ATP10D: variants seen among roughly 807,000 people sequenced by gnomAD.
The protein encoded by ATP10D is phospholipid-transporting ATPase VD.
A neutral mutation model predicts 144.8 loss-of-function variants in ATP10D; 89 were observed. That is an observed-to-expected ratio of 0.61 (90% CI 0.52 to 0.73). ATP10D has a LOEUF of 0.73. ATP10D is among the 30% of genes least tolerant of loss of function. The pLI, the probability that ATP10D is intolerant of heterozygous loss-of-function variation, is 0.00. For synonymous variants in ATP10D, 571 were observed against 615.1 expected (o/e 0.93, Z 1.06); for missense variants, 1,603 against 1,714.8 (o/e 0.93, Z 1.15).
chr4:47,540,701 CATTATTATT>C (rs1210701221), intron 9 of ATP10D, among the ~76,000 whole-genome samples: 2 of 152,120 alleles, frequency 1.3e-5, no homozygotes, highest in African/African-American at 4.8e-5. Context: ...AATGCTGATA[CATTATTATT>C]AATTGAAACC....
chr4:47,584,932 A>C (rs1356446507), intron 21 of ATP10D, among the ~76,000 whole-genome samples: 1 of 152,178 alleles, frequency 6.6e-6, no homozygotes, highest in Non-Finnish European at 1.5e-5. Context: ...GAAAAGAAGA[A>C]AATCTAATCT....
chr4:47,571,850 C>T (rs181707039), intron 16 of ATP10D, among the ~76,000 whole-genome samples: 4 of 152,182 alleles, frequency 2.6e-5, no homozygotes, highest in Non-Finnish European at 2.9e-5. Context: ...TTATCATGTG[C>T]GTGGCTACAG....
At chr4:47,555,227 C>T (rs538866705) in intron 11 of ATP10D, among the ~76,000 whole-genome samples, 42 of 152,198 alleles carry the variant, frequency 2.8e-4, no homozygotes, top group Non-Finnish European at 5.1e-4. Context: ...GCATTAGATT[C>T]TCATAGGAAC....
chr4:47,545,077 G>T (rs1232185517), intron 9 of ATP10D, among the ~76,000 whole-genome samples: 1 of 152,186 alleles, frequency 6.6e-6, no homozygotes, highest in African/African-American at 2.4e-5. Context: ...GTCAGGCAAG[G>T]CCTCTCTAAG....
intron 10 of ATP10D, among the ~76,000 whole-genome samples, chr4:47,549,893 C>T (rs150246515): frequency 6.6e-6 from 1 of 151,318 alleles, no homozygotes; most frequent in Non-Finnish European, 1.5e-5. Flanking sequence ...AACCACAGGG[C>T]CAAGGGAGAA....
chr4:47,515,451 C>G (rs375086728), intron 2 of ATP10D, 25 bp from the exon 3 acceptor site: 2 of 1,583,794 alleles, frequency 1.3e-6, no homozygotes, highest in Middle Eastern at 1.7e-4. Context: ...TTCTTAACAC[C>G]TCCCTTTGTG....
At chr4:47,547,790 G>A (rs1331402869) in intron 10 of ATP10D, among the ~76,000 whole-genome samples, 1 of 152,142 alleles carries the variant, frequency 6.6e-6, no homozygotes, top group Non-Finnish European at 1.5e-5. Flanking sequence ...AACTTCCCAG[G>A]ATCCTGGCTC....
chr4:47,590,737 T>G (rs1336428042), intron 22 of ATP10D, among the ~76,000 whole-genome samples: 2 of 152,132 alleles, frequency 1.3e-5, no homozygotes, highest in Non-Finnish European at 2.9e-5. Context: ...ATTGTCTCAT[T>G]TAACCTAACA....
intron 19 of ATP10D, among the ~76,000 whole-genome samples, chr4:47,579,899 CT>C (rs1003099781): frequency 1.3e-5 from 2 of 151,978 alleles, no homozygotes; most frequent in Admixed American, 6.6e-5. Context: ...AGCAAGCTGC[CT>C]TTTTTTTCTA....
In ATP10D at chr4:47,558,247, T is replaced by C; in HGVS notation, c.2408T>C (p.Met803Thr). 2 of 1,613,228 alleles carry C rather than the reference T, an allele frequency of 1.2e-6. No homozygotes were observed. The highest frequency in any genetic ancestry group is 1.7e-6 in the Non-Finnish European group (2 of 1,179,150). The change falls in exon 12 of 23, where the codon ATG (methionine) becomes ACG (threonine). Residue 803 changes from methionine (M) to threonine (T), a missense_variant. Met to Thr is a moderately conservative substitution (Grantham distance 81). Transcript: ENST00000273859. ...ACGAAAGGCGCTGATTCTGTGATCA[T>C]GGAGTTACTGTCGGTGGCTTCCCCA... ...VYTKGADSVI[M>T]ELLSVASPDG...
At chr4:47,492,021 C>T (rs1205932954) in intron 1 of ATP10D, among the ~76,000 whole-genome samples, 1 of 152,182 alleles carries the variant, frequency 6.6e-6, no homozygotes, top group African/African-American at 2.4e-5. Context: ...AAAATAAACT[C>T]CTAGAAGGCA....
intron 19 of ATP10D, chr4:47,578,196 A>T (rs1262277892): frequency 6.6e-6 from 1 of 152,168 alleles, no homozygotes; most frequent in Admixed American, 6.5e-5. Flanking sequence ...CATTGACTTT[A>T]CCTTCTAAAA....
At chr4:47,489,249 A>G (rs976836698) in intron 1 of ATP10D, among the ~76,000 whole-genome samples, 1 of 152,230 alleles carries the variant, frequency 6.6e-6, no homozygotes, top group Admixed American at 6.5e-5. Flanking sequence ...CATCACATTA[A>G]CAAACGTGGA....
chr4:47,507,025 C>A (rs1716052877), intron 1 of ATP10D, among the ~76,000 whole-genome samples: 1 of 152,110 alleles, frequency 6.6e-6, no homozygotes, highest in Non-Finnish European at 1.5e-5. Flanking sequence ...GCCTAGAAGC[C>A]TCCCCCATTA....
intron 14 of ATP10D, among the ~76,000 whole-genome samples, chr4:47,562,357 T>C (rs1719358738): frequency 6.6e-6 from 1 of 152,144 alleles, no homozygotes; most frequent in African/African-American, 2.4e-5. Flanking sequence ...GGAGCATTCT[T>C]TAAAAGCCTG....
chr4:47,515,335 A>G (rs1716574292), intron 2 of ATP10D, 141 bp from the exon 3 acceptor site: 5 of 614,886 alleles, frequency 8.1e-6, no homozygotes, highest in Admixed American at 3.0e-5. Flanking sequence ...ATTAAGATTC[A>G]TTGTATTCTG....
At chr4:47,495,513 A>G (rs1177613952) in intron 1 of ATP10D, among the ~76,000 whole-genome samples, 1 of 152,170 alleles carries the variant, frequency 6.6e-6, no homozygotes, top group Non-Finnish European at 1.5e-5. Context: ...TAAAAAAAAC[A>G]TGGAGAGTAT....
intron 21 of ATP10D, among the ~76,000 whole-genome samples, chr4:47,584,489 T>G (rs1720686040): frequency 6.6e-6 from 1 of 152,110 alleles, no homozygotes; most frequent in Non-Finnish European, 1.5e-5. Flanking sequence ...GCCTCCCAGG[T>G]TCATGCCATT....
Position 47,512,491 on chromosome 4 carries a change from G to A in ATP10D, c.-37-13G>A, listed in dbSNP as rs762063564. On this transcript the variant is annotated splice_polypyrimidine_tract_variant and intron_variant, in intron 1 of 22. Transcript: ENST00000273859. ...AGAAGCTCATGGAAGTGTGGTTTTT[G>A]TTTGTTTGCCAGGTCAGCTACACAA... The A allele has an allele frequency of 1.3e-6, 2 of 1,515,594 alleles. No individual in the cohort carries two copies. The highest frequency in any genetic ancestry group is 1.8e-6 in the Non-Finnish European group (2 of 1,120,064). The allele number at this position is 1,515,594 out of a possible 1,614,324, so 93.9% of individuals were successfully genotyped here.
Sources: allele counts gnomAD v4.1 joint callset (sites outside exome capture counted in the v4.1 genomes callset), GRCh38; gene constraint gnomAD v4.1.1; transcripts MANE v1.5; gene names NCBI Gene and HGNC (gene_info 2026-07-23, HGNC 2026-07-21).